The following ZNRF3 variants were observed in gnomAD, a reference collection of about 807,000 sequenced individuals.
The protein encoded by ZNRF3 is E3 ubiquitin-protein ligase ZNRF3.
ZNRF3 carries 23 observed loss-of-function variants against 72.5 expected under a neutral mutation model. That is an observed-to-expected ratio of 0.32 (90% CI 0.23 to 0.45). ZNRF3 has a LOEUF of 0.45. Ranked by LOEUF, ZNRF3 falls within the 20% of genes least tolerant of loss-of-function variation. The pLI, the probability that ZNRF3 is intolerant of heterozygous loss-of-function variation, is 1.00. For synonymous variants in ZNRF3, 610 were observed against 545.3 expected (o/e 1.12, Z -1.65); for missense variants, 1,169 against 1,272.1 (o/e 0.92, Z 1.23).
At chr22:28,972,308 AC>A (rs1352298696) in intron 1 of ZNRF3, among the ~76,000 whole-genome samples, 1 of 152,172 alleles carries the variant, frequency 6.6e-6, no homozygotes, top group East Asian at 1.9e-4. Flanking sequence ...GTGCTAGGCA[AC>A]CACTGATCGA....
chr22:29,034,008 T>C (rs762583068), intron 2 of ZNRF3, among the ~76,000 whole-genome samples: 5 of 152,212 alleles, frequency 3.3e-5, no homozygotes, highest in Non-Finnish European at 7.3e-5. Flanking sequence ...TGGTGCCATT[T>C]TGGATTCTCC....
intron 1 of ZNRF3, among the ~76,000 whole-genome samples, chr22:28,957,016 G>A (rs1374207580): frequency 3.3e-5 from 5 of 152,360 alleles, no homozygotes; most frequent in African/African-American, 1.2e-4. Flanking sequence ...GTCTAGAGAA[G>A]ATAACGTGCC....
chr22:29,045,878 C>G (rs2037059685), intron 5 of ZNRF3, among the ~76,000 whole-genome samples: 1 of 152,194 alleles, frequency 6.6e-6, no homozygotes, highest in Admixed American at 6.5e-5. Flanking sequence ...TCTCTGAAGT[C>G]TATTCTGGCA....
intron 2 of ZNRF3, among the ~76,000 whole-genome samples, chr22:29,008,914 G>C (rs569022153): frequency 9.2e-5 from 14 of 152,086 alleles, no homozygotes; most frequent in Non-Finnish European, 2.1e-4. Flanking sequence ...GTTGTGCTAG[G>C]GTTTGTAATT....
At chr22:28,955,383 A>G (rs2035240585) in intron 1 of ZNRF3, among the ~76,000 whole-genome samples, 1 of 152,106 alleles carries the variant, frequency 6.6e-6, no homozygotes. Context: ...AAATATTATC[A>G]AGAGTTTGTG....
At chr22:29,028,799 C>T (rs2036690749) in intron 2 of ZNRF3, among the ~76,000 whole-genome samples, 1 of 152,180 alleles carries the variant, frequency 6.6e-6, no homozygotes, top group African/African-American at 2.4e-5. Flanking sequence ...AGGTACTTTC[C>T]TTACTTTCCC....
Position 29,049,289 on chromosome 22 carries a change from G to C in ZNRF3, c.1108G>C (p.Gly370Arg), listed in dbSNP as rs759777321. ...GGTGACCCTGCCGGTGCATTACCCCGGCCGCGTGCACAGGACCAACGCCAT... is the reference window on the plus strand; with the variant it reads ...GGTGACCCTGCCGGTGCATTACCCCCGCCGCGTGCACAGGACCAACGCCAT... ...QRVTLPVHYP[G>R]RVHRTNAIPA... Residue 370 changes from glycine to arginine, a missense_variant, in exon 8 of 9, where the codon GGC becomes CGC. This residue lies in a region of ZNRF3 where 386 missense variants were observed against 540.7 expected (regional missense o/e 0.71). Transcript: ENST00000544604. This position sits in a 1 kb window ranked among gnomAD's most constrained non-coding sequence, Gnocchi z 5.2. 7 of 1,613,966 alleles carry C rather than the reference G, an allele frequency of 4.3e-6. No homozygotes were observed. The highest frequency in any genetic ancestry group is 5.9e-6 in the Non-Finnish European group (7 of 1,180,002).
At chr22:29,051,089 A>C in intron 8 of ZNRF3, 141 bp downstream of exon 8, 2 of 962,634 alleles carry the variant, frequency 2.1e-6, no homozygotes, top group East Asian at 2.8e-5. Flanking sequence ...TCCAAGGGTT[A>C]CTCCTCAGCC....
intron 1 of ZNRF3, among the ~76,000 whole-genome samples, chr22:28,928,935 G>A (rs1232042566): frequency 6.6e-6 from 1 of 152,220 alleles, no homozygotes; most frequent in Non-Finnish European, 1.5e-5. Context: ...GACAAGGAAA[G>A]ATTTCTCTCA....
At chr22:28,996,028 G>A (rs1335201651) in intron 2 of ZNRF3, among the ~76,000 whole-genome samples, 1 of 152,060 alleles carries the variant, frequency 6.6e-6, no homozygotes, top group East Asian at 1.9e-4. Flanking sequence ...CACCTTCCTT[G>A]GCCTCCCAAA....
At chr22:28,964,807 C>T (rs1015994372) in intron 1 of ZNRF3, among the ~76,000 whole-genome samples, 2 of 152,264 alleles carry the variant, frequency 1.3e-5, no homozygotes, top group Non-Finnish European at 2.9e-5. Flanking sequence ...CATCTGGCCC[C>T]TTCTGTTCCA....
chr22:28,986,195 G>A (rs542744571), intron 1 of ZNRF3, among the ~76,000 whole-genome samples: 1 of 152,270 alleles, frequency 6.6e-6, no homozygotes, highest in South Asian at 2.1e-4. Context: ...AGATATCTTG[G>A]GGGCCATATT....
intron 2 of ZNRF3, among the ~76,000 whole-genome samples, chr22:28,998,657 A>G (rs1258508828): frequency 6.6e-6 from 1 of 152,232 alleles, no homozygotes; most frequent in African/African-American, 2.4e-5. Context: ...CTTTTCATCT[A>G]CACCACCTAA....
chr22:28,902,456 C>T (rs1018441049), intron 1 of ZNRF3, among the ~76,000 whole-genome samples: 2 of 151,812 alleles, frequency 1.3e-5, no homozygotes, highest in Non-Finnish European at 2.9e-5. Context: ...GATCTTGGTT[C>T]GCTACGAACT....
chr22:28,938,388 A>G (rs556322839), intron 1 of ZNRF3, among the ~76,000 whole-genome samples: 2 of 152,172 alleles, frequency 1.3e-5, no homozygotes, highest in African/African-American at 4.8e-5. Context: ...CCTCCCTTTT[A>G]TCTTAAAGTG....
Position 28,908,890 on chromosome 22 carries a change from T to TTTTG in ZNRF3, c.300+24844_300+24847dup, listed in dbSNP as rs532137558. On this transcript the variant is annotated intron_variant, in intron 1 of 8. Coordinates refer to ENST00000544604, the MANE Select transcript of ZNRF3 (RefSeq NM_001206998.2). ...GAGGGCCTGGTGTCTCCGTTGGGTG[T>TTTTG]TTTGTTTGTTTGTTTGTTTGTTTTT... Among the ~76,000 whole-genome samples, 354 of 152,096 alleles carry TTTTG rather than the reference T, an allele frequency of 2.3e-3. 3 individuals are homozygous for TTTTG. The highest frequency in any genetic ancestry group is 7.7e-3 in the African/African-American group (319 of 41,488).
intron 1 of ZNRF3, among the ~76,000 whole-genome samples, chr22:28,889,510 A>G (rs1056295155): frequency 6.6e-6 from 1 of 152,180 alleles, no homozygotes; most frequent in Non-Finnish European, 1.5e-5. Flanking sequence ...TTTTGTAGAC[A>G]TCTATCACAG....
At chr22:29,052,050 A>G (rs1287389696) in intron 8 of ZNRF3, among the ~76,000 whole-genome samples, 1 of 152,192 alleles carries the variant, frequency 6.6e-6, no homozygotes, top group Non-Finnish European at 1.5e-5. Flanking sequence ...GACATGTAAG[A>G]TACAAGTCCA....
At chr22:28,995,760 C>T (rs2036036089) in intron 2 of ZNRF3, among the ~76,000 whole-genome samples, 2 of 151,456 alleles carry the variant, frequency 1.3e-5, no homozygotes, top group Non-Finnish European at 2.9e-5. Flanking sequence ...TAGGAGCACC[C>T]ACAGGATCAA....
Sources: gnomAD v4.1 joint callset for allele counts (sites outside exome capture counted in the v4.1 genomes callset) on GRCh38, gnomAD v4.1.1 for gene constraint, gnomAD v4.1.1 regional missense constraint, Gnocchi (gnomAD v3.1) non-coding constraint, MANE v1.5 for transcripts, NCBI Gene and HGNC (gene_info 2026-07-23, HGNC 2026-07-21) for gene names.